PTPRN2: variants seen among roughly 807,000 people sequenced by gnomAD.
The protein encoded by PTPRN2 is protein tyrosine phosphatase receptor type N2.
A neutral mutation model predicts 118.8 loss-of-function variants in PTPRN2; 74 were observed. The observed-to-expected ratio is 0.62, with a 90% confidence interval of 0.52 to 0.76. The LOEUF (loss-of-function observed/expected upper bound fraction) is 0.76. Ranked by LOEUF, PTPRN2 falls within the 30% of genes least tolerant of loss-of-function variation. PTPRN2 has a pLI of 0.00. For synonymous variants in PTPRN2, 641 were observed against 608.0 expected (o/e 1.05, Z -0.80); for missense variants, 1,481 against 1,394.4 (o/e 1.06, Z -0.99).
At chr7:157,546,822 G>T (rs190228126) in intron 22 of PTPRN2, among the ~76,000 whole-genome samples, 6 of 152,260 alleles carry the variant, frequency 3.9e-5, no homozygotes, top group African/African-American at 1.4e-4. Flanking sequence ...CTTCACGAAG[G>T]GTCCTGGGAC....
intron 2 of PTPRN2, among the ~76,000 whole-genome samples, chr7:158,434,658 A>G (rs974300351): frequency 6.6e-6 from 1 of 152,106 alleles, no homozygotes; most frequent in Admixed American, 6.5e-5. Context: ...TTACTAATAT[A>G]TTGGGATTTA....
At chr7:158,161,538 G>A (rs117762365) in intron 6 of PTPRN2, among the ~76,000 whole-genome samples, 385 of 152,330 alleles carry the variant, frequency 2.5e-3, no homozygotes, top group Non-Finnish European at 4.7e-3. Context: ...CACATGTACA[G>A]AAACAATTCC....
chr7:158,110,404 G>A (rs540621782), intron 10 of PTPRN2, among the ~76,000 whole-genome samples: 20 of 152,292 alleles, frequency 1.3e-4, no homozygotes, highest in East Asian at 9.7e-4. Flanking sequence ...GCAGAGACTC[G>A]GGATCCAAAG....
At chr7:157,865,437 G>A (rs937674685) in intron 12 of PTPRN2, 7 of 152,208 alleles carry the variant, frequency 4.6e-5, no homozygotes, top group Admixed American at 1.3e-4. Flanking sequence ...AAACCACAGA[G>A]ATGCTCATCC....
intron 12 of PTPRN2, among the ~76,000 whole-genome samples, chr7:157,709,014 C>T (rs1405927490): frequency 2.6e-5 from 4 of 152,212 alleles, no homozygotes; most frequent in African/African-American, 4.8e-5. Context: ...GGGAAGCCAC[C>T]TGGGGCTGGA....
At chr7:157,646,383 C>G (rs1465250) in intron 14 of PTPRN2, among the ~76,000 whole-genome samples, 131,418 of 152,124 alleles carry the variant, frequency 0.86, 57,046 homozygotes, top group Admixed American at 0.91. Context: ...TGCCATGTGA[C>G]GTCTTGGCTC....
At chr7:158,273,788 C>T (rs1368019538) in intron 3 of PTPRN2, among the ~76,000 whole-genome samples, 36 of 84,436 alleles carry the variant, frequency 4.3e-4, no homozygotes, top group Non-Finnish European at 7.0e-4. Context: ...GCCGCAGACA[C>T]GGGGAGCCGC....
rs1804129999 is a variant in PTPRN2, at chr7:157,787,377, A to G, written c.1789-104440T>C. 2.6e-5 allele frequency among the ~76,000 whole-genome samples: 4 copies of G among 152,178 alleles called. No individual in the cohort carries two copies. In the South Asian group the frequency reaches 8.3e-4, roughly 32 times the overall value. On this transcript the variant is annotated intron_variant, in intron 12 of 22. Coordinates refer to ENST00000389418, the MANE Select transcript of PTPRN2 (RefSeq NM_002847.5). The surrounding 1 kb of genome is among the most constrained non-coding windows in gnomAD (Gnocchi z 5.3). ...AGGAGGGGGTCTGGCCTCTGCTGGG[A>G]GTGACATCTGAAGATGCCATAGAAA...
At chr7:158,089,749 A>G (rs1441165905) in intron 10 of PTPRN2, among the ~76,000 whole-genome samples, 1 of 140,616 alleles carries the variant, frequency 7.1e-6, no homozygotes, top group Non-Finnish European at 1.5e-5. Flanking sequence ...TCTTCACACA[A>G]ACCTTCTTCC....
chr7:157,857,005 A>C (rs1809753883), intron 12 of PTPRN2, among the ~76,000 whole-genome samples: 1 of 152,064 alleles, frequency 6.6e-6, no homozygotes, highest in East Asian at 1.9e-4. Context: ...ATTGCTGACA[A>C]GGGAGGTGGC....
intron 6 of PTPRN2, among the ~76,000 whole-genome samples, chr7:158,156,311 T>C (rs1450591664): frequency 1.3e-5 from 2 of 152,198 alleles, no homozygotes; most frequent in Non-Finnish European, 2.9e-5. Flanking sequence ...GGTGTGGGGA[T>C]TGGCAGTCAA....
At chr7:158,317,887 G>A (rs1212120871) in intron 2 of PTPRN2, among the ~76,000 whole-genome samples, 1 of 152,208 alleles carries the variant, frequency 6.6e-6, no homozygotes, top group Non-Finnish European at 1.5e-5. Flanking sequence ...ACGACGACGG[G>A]GCCGGGTGAT....
At chr7:158,062,679 G>A (rs904722685) in intron 11 of PTPRN2, among the ~76,000 whole-genome samples, 35 of 152,336 alleles carry the variant, frequency 2.3e-4, no homozygotes, top group Admixed American at 7.8e-4. Context: ...GCCAGCCAGC[G>A]CTGCTGGCCC....
intron 4 of PTPRN2, among the ~76,000 whole-genome samples, chr7:158,198,465 T>C (rs1267912602): frequency 6.6e-6 from 1 of 152,366 alleles, no homozygotes; most frequent in East Asian, 1.9e-4. Context: ...GTCTAGATTG[T>C]CACCCAGTTT....
At chr7:157,962,272 G>A (rs938839434) in intron 11 of PTPRN2, among the ~76,000 whole-genome samples, 1 of 152,186 alleles carries the variant, frequency 6.6e-6, no homozygotes, top group Admixed American at 6.5e-5. Flanking sequence ...AAAACACGCC[G>A]CTGCCAGCAG....
At chr7:158,233,430 T>C (rs535891808) in intron 3 of PTPRN2, among the ~76,000 whole-genome samples, 4 of 152,200 alleles carry the variant, frequency 2.6e-5, no homozygotes, top group Admixed American at 2.0e-4. Flanking sequence ...CACAAAAAAC[T>C]GGAAAGATAT....
intron 11 of PTPRN2, among the ~76,000 whole-genome samples, chr7:158,055,277 C>G (rs2128900903): frequency 6.6e-6 from 1 of 152,278 alleles, no homozygotes; most frequent in Non-Finnish European, 1.5e-5. Context: ...TCTGTTATGC[C>G]CAGACAGGGC....
chr7:157,636,454 C>G (rs891628965), intron 14 of PTPRN2, among the ~76,000 whole-genome samples: 2 of 152,176 alleles, frequency 1.3e-5, no homozygotes, highest in African/African-American at 4.8e-5. Flanking sequence ...GATTTTAATA[C>G]CAGACTGCAG....
chr7:158,021,200 G>A (rs1405343481), intron 11 of PTPRN2, among the ~76,000 whole-genome samples: 3 of 151,928 alleles, frequency 2.0e-5, no homozygotes, highest in Non-Finnish European at 4.4e-5. Flanking sequence ...ACATCCTCTG[G>A]TTTCTAAGGT....
Sources: allele counts gnomAD v4.1 joint callset (sites outside exome capture counted in the v4.1 genomes callset), GRCh38; gene constraint gnomAD v4.1.1; non-coding constraint Gnocchi (gnomAD v3.1); transcripts MANE v1.5; gene names NCBI Gene and HGNC (gene_info 2026-07-23, HGNC 2026-07-21).